WDR37: variants seen among roughly 807,000 people sequenced by gnomAD.
The protein encoded by WDR37 is WD repeat domain 37.
Under a neutral mutation model 62.9 loss-of-function variants are expected in WDR37, and 19 were observed. That is an observed-to-expected ratio of 0.30 (90% CI 0.21 to 0.44). The LOEUF (loss-of-function observed/expected upper bound fraction) is 0.44, where lower values mean the gene tolerates loss of function less well. Among genes scored for constraint, WDR37 ranks in the 20% least tolerant of loss-of-function variants. The probability of loss-of-function intolerance (pLI) is 1.00; values close to 1 mark genes in which losing one functional copy is unlikely to be tolerated. For missense variants in WDR37, 474 were observed against 657.6 expected (o/e 0.72, Z 3.05); for synonymous variants, 250 against 260.9 (o/e 0.96, Z 0.40).
intron 1 of WDR37, among the ~76,000 whole-genome samples, chr10:1,061,083 G>C (rs1833357505): frequency 6.6e-6 from 1 of 152,160 alleles, no homozygotes; most frequent in South Asian, 2.1e-4. Context: ...CTCTTAATTG[G>C]ATTTGGGAAC....
chr10:1,126,981 G>C (rs1009931894), intron 13 of WDR37, among the ~76,000 whole-genome samples: 1 of 152,188 alleles, frequency 6.6e-6, no homozygotes, highest in Non-Finnish European at 1.5e-5. Flanking sequence ...TAAATTGCTT[G>C]TCCTGGGGAA....
Position 1,072,237 on chromosome 10 carries a change from A to G in WDR37, c.82A>G (p.Thr28Ala). 6.2e-7 allele frequency: 1 copy of G among 1,614,212 alleles called. No individual in the cohort carries two copies. The highest frequency in any genetic ancestry group is 2.2e-5 in the East Asian group (1 of 44,888). ...ATCCCATAGCCTTTCTATACGAAGA[A>G]CTAACAGCTCGGAGCAGGAGAGGAC... is the stretch of plus-strand genomic sequence containing the variant. ...RKSHSLSIRRTNSSEQERTGL... is the reference protein window; with the variant it reads ...RKSHSLSIRRANSSEQERTGL... Residue 28 changes from threonine to alanine, a missense_variant, in exon 2 of 14, where the codon ACT becomes GCT. Physicochemically the swap from Thr to Ala is moderately conservative, Grantham distance 58. Transcript: ENST00000263150.
At position 1,070,826 on chromosome 10, in the gene WDR37, A is replaced by T. The variant is rs536015236; in HGVS notation, c.-40-1290A>T. ...GTTTAAAAAGAAGGGAACGCTAGTG[A>T]TTTTAAAATATTGTAGAAAAGGAAT... is the stretch of plus-strand genomic sequence containing the variant. On this transcript the variant is annotated intron_variant, in intron 1 of 13. Transcript: ENST00000263150. Among the ~76,000 whole-genome samples, 35 of 152,362 alleles carry T rather than the reference A, an allele frequency of 2.3e-4. 1 individual carries two copies. The South Asian group carries it at 7.0e-3, about 31-fold the overall frequency.
intron 2 of WDR37, chr10:1,074,276 C>G (rs911190810): frequency 8.6e-7 from 1 of 1,167,268 alleles, no homozygotes; most frequent in Non-Finnish European, 1.1e-6. Flanking sequence ...TTGTCTCCTG[C>G]CTGGGGTGAA....
At chr10:1,070,073 G>A (rs1056877339) in intron 1 of WDR37, among the ~76,000 whole-genome samples, 1 of 152,046 alleles carries the variant, frequency 6.6e-6, no homozygotes, top group Non-Finnish European at 1.5e-5. Context: ...GGGCATGGTG[G>A]TGCATGCCTA....
At chr10:1,124,784 C>T in intron 12 of WDR37, 126 bp from the exon 13 acceptor site, 1 of 1,236,218 alleles carries the variant, frequency 8.1e-7, no homozygotes, top group Non-Finnish European at 1.1e-6. Context: ...GTGGTACACG[C>T]AGTGTGTTCA....
At chr10:1,120,234 G>T (rs1835534480) in intron 11 of WDR37, among the ~76,000 whole-genome samples, 2 of 152,230 alleles carry the variant, frequency 1.3e-5, no homozygotes, top group South Asian at 4.1e-4. Flanking sequence ...GGGCTGCCTG[G>T]CTGTGAAGAG....
intron 13 of WDR37, among the ~76,000 whole-genome samples, chr10:1,126,382 G>T (rs573220022): frequency 1.5e-4 from 22 of 149,972 alleles, no homozygotes; most frequent in Admixed American, 9.2e-4. Flanking sequence ...CTCCAGCCTG[G>T]GCGACAGAGC....
intron 5 of WDR37, among the ~76,000 whole-genome samples, chr10:1,082,125 A>G (rs949872898): frequency 2.0e-5 from 3 of 152,240 alleles, no homozygotes; most frequent in Non-Finnish European, 2.9e-5. Context: ...ACATCTGAAG[A>G]TTGAAGAAAT....
Position 1,105,102 on chromosome 10 carries a change from T to C in WDR37, c.962-24T>C, listed in dbSNP as rs567072086. 3 of 1,613,344 alleles carry C rather than the reference T, an allele frequency of 1.9e-6. No individual in the cohort carries two copies. In the South Asian group the frequency reaches 3.3e-5, roughly 18 times the overall value. ...CAGCGTGCTCCTCAGGTGATGACCT[T>C]GTGTTTTGCCATCTTGGTTACAGGG... On this transcript the variant is annotated intron_variant, in intron 10 of 13. Transcript: ENST00000263150. The surrounding 1 kb of genome is among the most constrained non-coding windows in gnomAD (Gnocchi z 5.3).
intron 1 of WDR37, among the ~76,000 whole-genome samples, chr10:1,064,093 C>T (rs974947917): frequency 6.6e-6 from 1 of 152,000 alleles, no homozygotes; most frequent in African/African-American, 2.4e-5. Context: ...CAAATAGCCT[C>T]AGGAAGAAAA....
At chr10:1,074,672 CAG>C (rs1304196924) in intron 2 of WDR37, among the ~76,000 whole-genome samples, 2 of 152,168 alleles carry the variant, frequency 1.3e-5, no homozygotes, top group African/African-American at 2.4e-5. Context: ...GATCTCAGAA[CAG>C]GGAGGTGTTG....
chr10:1,057,129 T>G (rs1833206440), intron 1 of WDR37, among the ~76,000 whole-genome samples, 161 bp downstream of exon 1: 1 of 151,582 alleles, frequency 6.6e-6, no homozygotes, highest in African/African-American at 2.4e-5. Flanking sequence ...TCCGTGGTGG[T>G]GCAGGAGGGG....
chr10:1,089,323 C>A (rs1464668474), intron 7 of WDR37, among the ~76,000 whole-genome samples: 7 of 152,160 alleles, frequency 4.6e-5, no homozygotes, highest in Non-Finnish European at 1.0e-4. Context: ...CGGCTGGTCT[C>A]TGTGCCTTGA....
intron 10 of WDR37, among the ~76,000 whole-genome samples, 200 bp from the exon 11 acceptor site, chr10:1,104,926 C>T (rs898872843): frequency 5.3e-5 from 8 of 152,176 alleles, no homozygotes; most frequent in Admixed American, 4.6e-4. Context: ...TTTTCTGTTC[C>T]TTTGACATGG....
At chr10:1,115,180 T>G (rs10903371) in intron 11 of WDR37, among the ~76,000 whole-genome samples, 2 of 152,006 alleles carry the variant, frequency 1.3e-5, no homozygotes, top group Non-Finnish European at 2.9e-5. Flanking sequence ...AACTTTAGCA[T>G]TGAAAAAAAC....
chr10:1,075,874 G>A (rs10219038), intron 2 of WDR37, among the ~76,000 whole-genome samples: 12,589 of 151,822 alleles, frequency 0.083, 547 homozygotes, highest in African/African-American at 0.11. Context: ...CTACCTCCTG[G>A]GTTCTAGCGA....
At chr10:1,059,810 A>G (rs1228817798) in intron 1 of WDR37, among the ~76,000 whole-genome samples, 1 of 152,156 alleles carries the variant, frequency 6.6e-6, no homozygotes, top group African/African-American at 2.4e-5. Flanking sequence ...AAATATATAT[A>G]TAAAAGAATC....
rs189622328 is a variant in WDR37 at position 1,121,003 on chromosome 10, C to T, written c.1104-3215C>T. ...TGCTGCACTGTCAGCTGGAGGAGCA[C>T]GCTCGGCTGCCCCACACGACAAGAT... On this transcript the variant is annotated intron_variant, in intron 11 of 13. Coordinates refer to ENST00000263150, the MANE Select transcript of WDR37 (RefSeq NM_014023.4). This position sits in a 1 kb window ranked among gnomAD's most constrained non-coding sequence, Gnocchi z 4.5. Among the ~76,000 whole-genome samples, 458 of 152,238 alleles carry T rather than the reference C, an allele frequency of 3.0e-3. No homozygotes were observed. The highest frequency in any genetic ancestry group is 5.4e-3 in the East Asian group (28 of 5,156).
Sources: gnomAD v4.1 joint callset for allele counts (sites outside exome capture counted in the v4.1 genomes callset) on GRCh38, gnomAD v4.1.1 for gene constraint, Gnocchi (gnomAD v3.1) non-coding constraint, MANE v1.5 for transcripts, NCBI Gene and HGNC (gene_info 2026-07-23, HGNC 2026-07-21) for gene names.